HARS1: variants seen among roughly 807,000 people sequenced by gnomAD.
HARS1 encodes the protein histidine--tRNA ligase, cytoplasmic.
A neutral mutation model predicts 63.6 loss-of-function variants in HARS1; 45 were observed. The ratio of observed to expected loss-of-function variants is 0.71; its 90% CI spans 0.56 to 0.91. The LOEUF (loss-of-function observed/expected upper bound fraction) is 0.91, where lower values mean the gene tolerates loss of function less well. Among genes scored for constraint, HARS1 ranks in the 40% least tolerant of loss-of-function variants. The pLI, the probability that HARS1 is intolerant of heterozygous loss-of-function variation, is 0.00. For missense variants in HARS1, 508 were observed against 643.2 expected, an observed-to-expected ratio of 0.79 and a Z score of 2.27; for synonymous variants, 205 against 247.1, an observed-to-expected ratio of 0.83 and a Z score of 1.60.
intron 2 of HARS1, among the ~76,000 whole-genome samples, chr5:140,685,931 CTT>C (rs895539158): frequency 1.6e-4 from 22 of 137,720 alleles, no homozygotes; most frequent in Admixed American, 2.2e-4. Flanking sequence ...TCAAGAAAGT[CTT>C]TTTTTTTTTT....
At position 140,677,730 on chromosome 5, in the gene HARS1, A is replaced by G. The variant is rs1248330419; in HGVS notation, c.654T>C (p.Asp218=). 1.2e-6 allele frequency: 2 copies of G among 1,610,174 alleles called. No homozygotes were observed. Among genetic ancestry groups the G allele is most frequent in the Admixed American group, 1.7e-5 (1 of 59,442 alleles). ...LVKVNDRRIL[D]GMFAICGVSD... is the part of the protein sequence containing the mutation. ...AAACACCACAGATAGCAAACATCCC[A>G]TCTAGAATGCGTCGATCGTTTACCT... Residue 218 remains aspartate (D), a synonymous_variant, in exon 7 of 13, where the codon GAT becomes GAC. Transcript: ENST00000504156.
chr5:140,675,741 T>C (rs1029915783), intron 10 of HARS1: 2 of 152,136 alleles, frequency 1.3e-5, no homozygotes, highest in Non-Finnish European at 2.9e-5. Flanking sequence ...TTTATGACAC[T>C]GTGCCTCTCA....
At chr5:140,691,022 C>T in intron 1 of HARS1, 78 bp from the exon 2 acceptor site, 4 of 986,490 alleles carry the variant, frequency 4.1e-6, no homozygotes, top group African/African-American at 1.6e-5. Context: ...ATATTCCTCC[C>T]TCATCACATC....
At chr5:140,682,547 G>T (rs1758785265) in intron 3 of HARS1, among the ~76,000 whole-genome samples, 1 of 152,184 alleles carries the variant, frequency 6.6e-6, no homozygotes, top group African/African-American at 2.4e-5. Flanking sequence ...TGCAATCTGG[G>T]TTGGCTGGTT....
chr5:140,682,970 T>G, intron 3 of HARS1, 130 bp downstream of exon 3: 4 of 771,724 alleles, frequency 5.2e-6, no homozygotes, highest in Non-Finnish European at 8.4e-6. Flanking sequence ...CCCCTTCTTA[T>G]TGGAGCAAAG....
chr5:140,674,675 TCAC>T lies in HARS1; in HGVS notation c.1458+1_1458+3del. 6.2e-7 allele frequency: 1 copy of T among 1,614,190 alleles called. No individual in the cohort carries two copies. The highest frequency in any genetic ancestry group is 8.5e-7 in the Non-Finnish European group (1 of 1,180,016). ...CCCTTAGCCTTCCTGCCCACCTCCC[TCAC>T]CTCTTCCCTGCTCGTCACTGAACGG... On this transcript the variant is annotated splice_donor_variant and splice_donor_region_variant and intron_variant, in intron 12 of 12. Coordinates refer to ENST00000504156, the MANE Select transcript of HARS1 (RefSeq NM_002109.6). LOFTEE classifies it high-confidence loss of function.
rs1758263088 is a variant in HARS1, at chr5:140,674,813, A to G, written c.1324T>C (p.Tyr442His). ...WDAGIKAELL[Y>H]KKNPKLLNQL... ...TTCAGTAGCTTTGGGTTCTTCTTGT[A>G]CAGCAGCTCAGCCTGCAGGGGACAA... Residue 442 changes from tyrosine to histidine, a missense_variant, in exon 12 of 13, where the codon TAC (tyrosine) becomes CAC (histidine). By Grantham distance (83) the Tyr-to-His change is moderately conservative (BLOSUM62 2). This residue lies in a region of HARS1 where 403 missense variants were observed against 548.7 expected (regional missense o/e 0.73). Transcript: ENST00000504156. 2 of 1,614,028 alleles carry G rather than the reference A, an allele frequency of 1.2e-6. No homozygotes were observed.
intron 2 of HARS1, chr5:140,684,977 C>G (rs1160273631): frequency 6.6e-6 from 1 of 152,096 alleles, no homozygotes; most frequent in African/African-American, 2.4e-5. Flanking sequence ...TTTTTGCATT[C>G]AATCTGTCGT....
At chr5:140,686,467 G>A (rs767931211) in intron 2 of HARS1, among the ~76,000 whole-genome samples, 1 of 152,100 alleles carries the variant, frequency 6.6e-6, no homozygotes, top group Non-Finnish European at 1.5e-5. Flanking sequence ...TCAAACTCCC[G>A]ACCTCAGGTG....
rs1758538024 is a variant in HARS1 at position 140,678,730 on chromosome 5, G to C, written c.522+272C>G. 3 of 258,582 alleles carry C rather than the reference G, an allele frequency of 1.2e-5. No individual in the cohort carries two copies. In the East Asian group the frequency reaches 2.6e-4, roughly 22 times the overall value. The allele number at this position is 258,582 out of a possible 1,614,324, so 16.0% of individuals were successfully genotyped here. Reference sequence around the variant, plus strand: ...ATAGTGGCAGGCGCCTGTAATCCCAGCTACTCAGGTGGCTGAGGCAGAAGA... The same window carrying C: ...ATAGTGGCAGGCGCCTGTAATCCCACCTACTCAGGTGGCTGAGGCAGAAGA... On this transcript the variant is annotated intron_variant, in intron 5 of 12. Coordinates refer to ENST00000504156, the MANE Select transcript of HARS1 (RefSeq NM_002109.6).
chr5:140,689,011 G>GA (rs1759212846), intron 2 of HARS1, among the ~76,000 whole-genome samples: 1 of 152,206 alleles, frequency 6.6e-6, no homozygotes, highest in South Asian at 2.1e-4. Flanking sequence ...AGGACAGACT[G>GA]ATCCATCATA....
At chr5:140,678,450 T>A (rs1758522735) in intron 5 of HARS1, 1 of 183,982 alleles carries the variant, frequency 5.4e-6, no homozygotes, top group Admixed American at 5.5e-5. Flanking sequence ...CTTATCCCTA[T>A]GATCTCTTCA....
intron 2 of HARS1, among the ~76,000 whole-genome samples, chr5:140,690,635 T>C (rs1425606362): frequency 6.6e-6 from 1 of 152,204 alleles, no homozygotes; most frequent in Non-Finnish European, 1.5e-5. Flanking sequence ...AGCAGCAGGC[T>C]GACTCCCCTG....
At chr5:140,684,131 T>C (rs1386652455) in intron 2 of HARS1, 1 of 148,152 alleles carries the variant, frequency 6.7e-6, no homozygotes, top group Non-Finnish European at 1.5e-5. Flanking sequence ...CTACTAAAAA[T>C]ACAAAAAAAT....
rs768174431 is a variant in HARS1 at position 140,674,702 on chromosome 5, G to A, written c.1435C>T (p.Arg479Cys). Residue 479 changes from arginine (R) to cysteine (C), a missense_variant, in exon 12 of 13, where the codon CGT (arginine) becomes TGT (cysteine). Arg to Cys is a radical substitution (Grantham distance 180, BLOSUM62 -3). Coordinates refer to ENST00000504156, the MANE Select transcript of HARS1 (RefSeq NM_002109.6). ...ACCTCTTCCCTGCTCGTCACTGAAC[G>A]GAGCTTGATGACCCCATCCTTGAGT... The part of the protein sequence containing the change: ...QELKDGVIKL[R>C]SVTSREEVDV... The A allele has an allele frequency of 2.5e-6, 4 of 1,614,182 alleles. No individual in the cohort carries two copies. Among genetic ancestry groups the A allele is most frequent in the African/African-American group, 1.3e-5 (1 of 75,038 alleles).
In HARS1 at chr5:140,677,772, T is replaced by G; in HGVS notation, c.631-19A>C. 3 of 1,527,680 alleles carry G rather than the reference T, an allele frequency of 2.0e-6. No individual in the cohort carries two copies. Among genetic ancestry groups the G allele is most frequent in the South Asian group, 2.2e-5 (2 of 89,272 alleles). 94.6% of individuals were successfully genotyped at this position (1,527,680 alleles called of 1,614,324 possible). A position where few individuals can be genotyped will look rare whatever the true frequency, so the allele number is the denominator to read the frequency against. ...CGTTTACCTGCAAGGAACCAATGCA[T>G]AGTGAGGGGGGAATCTCTTTTCTTA... On this transcript the variant is annotated intron_variant, in intron 6 of 12. Coordinates refer to ENST00000504156, the MANE Select transcript of HARS1 (RefSeq NM_002109.6).
chr5:140,674,152 T>C lies in HARS1; in HGVS notation c.*105A>G, dbSNP rs1758203842. ...CTCTGTTCTGACCACTCTTCAGGTCTTCCGCTGAAACGGAAAAGTGCAAAG... is the reference window on the plus strand; with the variant it reads ...CTCTGTTCTGACCACTCTTCAGGTCCTCCGCTGAAACGGAAAAGTGCAAAG... On this transcript the variant is annotated 3_prime_UTR_variant, in exon 13 of 13. Coordinates refer to ENST00000504156, the MANE Select transcript of HARS1 (RefSeq NM_002109.6). 3 of 792,648 alleles carry C rather than the reference T, an allele frequency of 3.8e-6. No individual in the cohort carries two copies. Among genetic ancestry groups the C allele is most frequent in the South Asian group, 2.8e-5 (2 of 72,368 alleles). The allele number at this position is 792,648 out of a possible 1,614,324, so 49.1% of individuals were successfully genotyped here.
intron 3 of HARS1, 151 bp downstream of exon 3, chr5:140,682,949 C>A (rs1758810711): frequency 1.5e-6 from 1 of 662,980 alleles, no homozygotes; most frequent in South Asian, 2.4e-5. Context: ...TCCCTCCAAG[C>A]CATTCTTGTC....
rs773800588 is a variant in HARS1, at chr5:140,677,422, T to C, written c.730-2A>G. The C allele has an allele frequency of 6.2e-7, 1 of 1,609,642 alleles. No homozygotes were observed. The highest frequency in any genetic ancestry group is 8.5e-7 in the Non-Finnish European group (1 of 1,176,082). ...ATTCTTCACCTCTTCCCAGGACACC[T>C]AGGCAGACAGACACCAGTCAGGGAC... On this transcript the variant is annotated splice_acceptor_variant, in intron 7 of 12. Coordinates refer to ENST00000504156, the MANE Select transcript of HARS1 (RefSeq NM_002109.6). LOFTEE classifies it high-confidence loss of function.
Sources: gnomAD v4.1 joint callset for allele counts (sites outside exome capture counted in the v4.1 genomes callset) on GRCh38, gnomAD v4.1.1 for gene constraint, gnomAD v4.1.1 regional missense constraint, MANE v1.5 for transcripts, NCBI Gene and HGNC (gene_info 2026-07-23, HGNC 2026-07-21) for gene names.